The following POLD1 variants were observed in gnomAD, a reference collection of about 807,000 sequenced individuals.
POLD1 encodes the protein DNA polymerase delta 1, catalytic subunit, also known as DNA polymerase delta catalytic subunit.
POLD1 carries 79 observed loss-of-function variants against 129.7 expected under a neutral mutation model. That is an observed-to-expected ratio of 0.61 (90% CI 0.51 to 0.73). The LOEUF is 0.73. Among genes scored for constraint, POLD1 ranks in the 30% least tolerant of loss-of-function variants. The pLI, the probability that POLD1 is intolerant of heterozygous loss-of-function variation, is 0.00. For missense variants in POLD1, 1,338 were observed against 1,595.8 expected, an observed-to-expected ratio of 0.84 and a Z score of 2.75; for synonymous variants, 714 against 683.3, an observed-to-expected ratio of 1.04 and a Z score of -0.70.
At chr19:50,404,293 C>T (rs569982129) in intron 10 of POLD1, among the ~76,000 whole-genome samples, 84 of 151,160 alleles carry the variant, frequency 5.6e-4, no homozygotes, top group African/African-American at 2.1e-3. Context: ...GACAAAGTCT[C>T]GCTCTGTCGC....
In POLD1 at chr19:50,403,616, G is replaced by T. The variant is rs1212491842; in HGVS notation, c.1242+19G>T. 1.3e-6 allele frequency: 2 copies of T among 1,531,864 alleles called. No homozygotes were observed. Among genetic ancestry groups the T allele is most frequent in the African/African-American group, 1.4e-5 (1 of 73,168 alleles). The allele number at this position is 1,531,864 out of a possible 1,614,324, so 94.9% of individuals were successfully genotyped here. A position where few individuals can be genotyped will look rare whatever the true frequency, so the allele number is the denominator to read the frequency against. On this transcript the variant is annotated intron_variant, in intron 10 of 26. Coordinates refer to ENST00000440232, the MANE Select transcript of POLD1 (RefSeq NM_002691.4). Reference sequence around the variant, plus strand: ...CCTCAAGGTGAGGGCTGGGCAGGTGGGAGGCTTCTCTCAGATGCCCCAGGT... The same window carrying T: ...CCTCAAGGTGAGGGCTGGGCAGGTGTGAGGCTTCTCTCAGATGCCCCAGGT...
chr19:50,410,707 G>A (rs1232764321), intron 17 of POLD1, among the ~76,000 whole-genome samples: 2 of 152,102 alleles, frequency 1.3e-5, no homozygotes, highest in African/African-American at 4.8e-5. Flanking sequence ...TCCCAGTTTT[G>A]ATGCGTGCCT....
intron 1 of POLD1, chr19:50,394,196 G>GATGT (rs2038263525): frequency 6.6e-6 from 1 of 152,190 alleles, no homozygotes; most frequent in Non-Finnish European, 1.5e-5. Flanking sequence ...AGGGTGGGAG[G>GATGT]ATGTCCCAGT....
At chr19:50,400,505 G>A (rs551635824) in intron 3 of POLD1, among the ~76,000 whole-genome samples, 2 of 140,772 alleles carry the variant, frequency 1.4e-5, no homozygotes, top group Non-Finnish European at 3.0e-5. Context: ...ACAGGAGTGA[G>A]TAACTGTGCC....
intron 1 of POLD1, among the ~76,000 whole-genome samples, chr19:50,396,452 G>C (rs3219353): frequency 3.3e-5 from 5 of 150,488 alleles, no homozygotes; most frequent in Admixed American, 3.3e-4. Context: ...TGTATATCTT[G>C]TCAAAATACA....
At chr19:50,398,778 A>G in intron 1 of POLD1, 73 bp from the exon 2 acceptor site, 15 of 1,553,578 alleles carry the variant, frequency 9.7e-6, no homozygotes, top group Non-Finnish European at 1.3e-5. Context: ...TGGTGGGTGC[A>G]TGGGATGCCA....
chr19:50,401,391 A>ATATATTTTTTTT (rs1334231607), intron 3 of POLD1, among the ~76,000 whole-genome samples: 11 of 65,950 alleles, frequency 1.7e-4, no homozygotes, highest in Admixed American at 2.4e-4. Context: ...ATATATATAT[A>ATATATTTTTTTT]TTTTTTTTTT....
At chr19:50,396,377 C>T (rs1375735647) in intron 1 of POLD1, among the ~76,000 whole-genome samples, 1 of 151,156 alleles carries the variant, frequency 6.6e-6, no homozygotes, top group Non-Finnish European at 1.5e-5. Flanking sequence ...CGTGGGCCAC[C>T]GTGCCTAACT....
intron 20 of POLD1, 122 bp from the exon 21 acceptor site, chr19:50,415,316 C>T: frequency 1.0e-6 from 1 of 980,186 alleles, no homozygotes; most frequent in Non-Finnish European, 1.5e-6. Context: ...TAGGAAGGGC[C>T]CCTCTCTGCC....
intron 20 of POLD1, 63 bp from the exon 21 acceptor site, chr19:50,415,375 G>A (rs148138855): frequency 1.2e-4 from 189 of 1,528,670 alleles, no homozygotes; most frequent in Middle Eastern, 2.3e-4. Flanking sequence ...CCTGAGACCC[G>A]TGGAGGCACC....
chr19:50,393,731 A>G (rs981602001), intron 1 of POLD1, among the ~76,000 whole-genome samples: 2 of 152,116 alleles, frequency 1.3e-5, no homozygotes, highest in African/African-American at 4.8e-5. Context: ...TTGTACAACC[A>G]TTACCTCTGT....
At chr19:50,398,639 G>A (rs1395146735) in intron 1 of POLD1, among the ~76,000 whole-genome samples, 1 of 151,934 alleles carries the variant, frequency 6.6e-6, no homozygotes, top group Non-Finnish European at 1.5e-5. Flanking sequence ...GAGGGTCGGG[G>A]AGTCGACGGG....
Position 50,399,391 on chromosome 19 carries a change from A to G in POLD1, c.223A>G (p.Ile75Val), listed in dbSNP as rs940296193. 2.4e-5 allele frequency: 38 copies of G among 1,614,088 alleles called. No individual in the cohort carries two copies. The highest frequency in any genetic ancestry group is 3.1e-5 in the Non-Finnish European group (37 of 1,179,920). ...VADGQVPPSA[I>V]DPRWLRPTPP... ...ACCAGGGCAGGTCCCACCATCAGCC[A>G]TAGATCCTCGCTGGCTTCGGCCCAC... The change falls in exon 3 of 27, where the codon ATA becomes GTA. Residue 75 changes from isoleucine to valine, a missense_variant. By Grantham distance (29) the Ile-to-Val change is conservative. This residue lies in a region of POLD1 where 332 missense variants were observed against 315.7 expected (regional missense o/e 1.05). Transcript: ENST00000440232.
In POLD1 at chr19:50,409,672, C is replaced by A. The variant is rs2122390409; in HGVS notation, c.2154+6C>A. On this transcript the variant is annotated splice_donor_region_variant and intron_variant, in intron 17 of 26. Coordinates refer to ENST00000440232, the MANE Select transcript of POLD1 (RefSeq NM_002691.4). The surrounding 1 kb of genome is among the most constrained non-coding windows in gnomAD (Gnocchi z 5.8). ...CGTGCCTGGAGATCTCACAGGTGGG[C>A]ACTCGGGCCCCTGGAAGGCAACTGG... 6.3e-7 allele frequency: 1 copy of A among 1,592,644 alleles called. No individual in the cohort carries two copies. Among genetic ancestry groups the A allele is most frequent in the Non-Finnish European group, 8.6e-7 (1 of 1,166,698 alleles).
Position 50,402,092 on chromosome 19 carries a change from C to T in POLD1, c.557C>T (p.Ala186Val), listed in dbSNP as rs2038664735. ...GGGGGGAGGGAGCTGACTGGGCCGG[C>T]CGTGCTGGCTGTGGAACTGTGCTCC... ...SRGGRELTGP[A>V]VLAVELCSRE... Residue 186 changes from alanine to valine, a missense_variant, in exon 5 of 27, where the codon GCC becomes GTC. Ala to Val is a moderately conservative substitution (Grantham distance 64, BLOSUM62 0). Transcript: ENST00000440232. 2 of 1,613,756 alleles carry T rather than the reference C, an allele frequency of 1.2e-6. No homozygotes were observed. The highest frequency in any genetic ancestry group is 1.7e-6 in the Non-Finnish European group (2 of 1,179,814).
chr19:50,411,874 C>T (rs1320090896), intron 17 of POLD1, among the ~76,000 whole-genome samples: 22 of 151,796 alleles, frequency 1.4e-4, no homozygotes, highest in Admixed American at 1.4e-3. Flanking sequence ...ACAGTGTTCA[C>T]GCCTGTAATC....
At chr19:50,407,879 T>A (rs1323453389) in intron 14 of POLD1, among the ~76,000 whole-genome samples, 1 of 147,354 alleles carries the variant, frequency 6.8e-6, no homozygotes, top group East Asian at 2.2e-4. Flanking sequence ...GCCGAAAAAA[T>A]TTTTAAAAAT....
chr19:50,395,540 C>T (rs1161084723), intron 1 of POLD1, among the ~76,000 whole-genome samples: 1 of 151,424 alleles, frequency 6.6e-6, no homozygotes, highest in African/African-American at 2.4e-5. Flanking sequence ...GCCGAGATCG[C>T]GCCACCGCAC....
chr19:50,403,330 G>A, intron 9 of POLD1, 111 bp downstream of exon 9: 3 of 1,217,578 alleles, frequency 2.5e-6, no homozygotes, highest in Non-Finnish European at 3.5e-6. Context: ...GTCTGGGTGG[G>A]TGTCTGTGGG....
Sources: allele counts gnomAD v4.1 joint callset (sites outside exome capture counted in the v4.1 genomes callset), GRCh38; gene constraint gnomAD v4.1.1; regional missense constraint gnomAD v4.1.1; non-coding constraint Gnocchi (gnomAD v3.1); transcripts MANE v1.5; gene names NCBI Gene and HGNC (gene_info 2026-07-23, HGNC 2026-07-21).